COL24A1: variants seen among roughly 807,000 people sequenced by gnomAD.
The protein encoded by COL24A1 is collagen alpha-1(XXIV) chain.
COL24A1 carries 224 observed loss-of-function variants against 253.9 expected under a neutral mutation model. That is an observed-to-expected ratio of 0.88 (90% CI 0.79 to 0.99). COL24A1 has a LOEUF of 0.99. Ranked by LOEUF, COL24A1 falls within the 50% of genes least tolerant of loss-of-function variation. COL24A1 has a pLI of 0.00. For synonymous variants in COL24A1, 685 were observed against 673.7 expected, an observed-to-expected ratio of 1.02 and a Z score of -0.26; for missense variants, 2,131 against 2,068.5, an observed-to-expected ratio of 1.03 and a Z score of -0.59.
At chr1:86,111,759 A>G (rs953149338) in intron 5 of COL24A1, among the ~76,000 whole-genome samples, 1 of 152,182 alleles carries the variant, frequency 6.6e-6, no homozygotes, top group South Asian at 2.1e-4. Flanking sequence ...TTCATTCCCG[A>G]GGCCAGCGAG....
chr1:86,058,325 T>G (rs1456280365), intron 9 of COL24A1, among the ~76,000 whole-genome samples: 1 of 151,610 alleles, frequency 6.6e-6, no homozygotes, highest in Admixed American at 6.6e-5. Context: ...TAAATTTTTT[T>G]TAAAATTTAT....
intron 19 of COL24A1, among the ~76,000 whole-genome samples, chr1:85,995,088 A>T (rs865958845): frequency 7.2e-5 from 11 of 152,302 alleles, no homozygotes; most frequent in Middle Eastern, 6.8e-3. Flanking sequence ...CAAAGACAAT[A>T]AAATTCCTTA....
intron 37 of COL24A1, among the ~76,000 whole-genome samples, chr1:85,864,975 T>C (rs1046758230): frequency 1.3e-5 from 2 of 152,180 alleles, no homozygotes; most frequent in Non-Finnish European, 2.9e-5. Flanking sequence ...TGCAGAGTTA[T>C]GCATTTAGGC....
intron 55 of COL24A1, among the ~76,000 whole-genome samples, chr1:85,755,118 A>G (rs745547205): frequency 1.3e-5 from 2 of 152,202 alleles, no homozygotes; most frequent in Non-Finnish European, 1.5e-5. Flanking sequence ...ATAAAAAACC[A>G]TAAAGGTGAG....
In COL24A1 at chr1:86,034,578, T is replaced by C. The variant is rs533879190; in HGVS notation, c.1951-655A>G. Among the ~76,000 whole-genome samples, 5 of 152,208 alleles carry C rather than the reference T, an allele frequency of 3.3e-5. No homozygotes were observed. The South Asian group carries it at 1.0e-3, about 32-fold the overall frequency. On this transcript the variant is annotated intron_variant, in intron 12 of 59. Coordinates refer to ENST00000370571, the MANE Select transcript of COL24A1 (RefSeq NM_152890.7). ...TATACTGAATACTTTAAATCATCAT[T>C]CCAAGACATACATGTAAAACAAAAA...
At chr1:85,832,111 T>A (rs1455625561) in intron 43 of COL24A1, among the ~76,000 whole-genome samples, 2 of 151,998 alleles carry the variant, frequency 1.3e-5, no homozygotes. Context: ...GTATAAGGTG[T>A]AAGGAAGGGA....
At chr1:85,855,819 G>A (rs1031838477) in intron 37 of COL24A1, among the ~76,000 whole-genome samples, 2 of 152,088 alleles carry the variant, frequency 1.3e-5, no homozygotes, top group Non-Finnish European at 2.9e-5. Flanking sequence ...TGTCAATCTG[G>A]TCCTGGGCTT....
Position 86,152,983 on chromosome 1 carries a change from C to G in COL24A1, c.56+3358G>C, listed in dbSNP as rs78660480. Among the ~76,000 whole-genome samples the G allele has an allele frequency of 4.6e-3, 703 of 152,258 alleles. 11 individuals carry two copies. The East Asian group carries it at 0.049, about 11-fold the overall frequency. ...ACATGGTTTAAAGGCCTTTCCAAAT[C>G]TGGTCTCTGTTTATCTCTCCAGCTC... On this transcript the variant is annotated intron_variant, in intron 1 of 59. Coordinates refer to ENST00000370571, the MANE Select transcript of COL24A1 (RefSeq NM_152890.7).
intron 24 of COL24A1, among the ~76,000 whole-genome samples, chr1:85,927,262 C>T (rs1387210554): frequency 2.0e-5 from 3 of 152,178 alleles, no homozygotes; most frequent in African/African-American, 7.2e-5. Context: ...GGCATTGCCT[C>T]ACCTGGGAAG....
intron 2 of COL24A1, among the ~76,000 whole-genome samples, chr1:86,132,682 G>T (rs1054972965): frequency 1.3e-5 from 2 of 152,130 alleles, no homozygotes; most frequent in African/African-American, 4.8e-5. Context: ...TTGTAGATAT[G>T]TGGCATTATG....
intron 2 of COL24A1, among the ~76,000 whole-genome samples, chr1:86,131,367 T>C (rs572320191): frequency 1.3e-5 from 2 of 152,200 alleles, no homozygotes; most frequent in East Asian, 3.9e-4. Context: ...TTTGGTTTTC[T>C]TTTTTATATA....
intron 47 of COL24A1, among the ~76,000 whole-genome samples, chr1:85,814,216 A>T (rs1672846015): frequency 6.6e-6 from 1 of 152,180 alleles, no homozygotes; most frequent in Non-Finnish European, 1.5e-5. Flanking sequence ...AAATAGCCTC[A>T]TCATCTGGCC....
chr1:86,045,694 G>GT lies in COL24A1; in HGVS notation c.1950+1130dup, dbSNP rs143099730. 385 of 288,112 alleles carry GT rather than the reference G, an allele frequency of 1.3e-3. 1 individual carries two copies. The highest frequency in any genetic ancestry group is 8.0e-3 in the African/African-American group (363 of 45,416). 17.8% of individuals were successfully genotyped at this position (288,112 alleles called of 1,614,324 possible). A position where few individuals can be genotyped will look rare whatever the true frequency, so the allele number is the denominator to read the frequency against. ...AGCAACGGTGATGGCAGTTTCTACT[G>GT]TTATAACCATTATAAGATTAGCTTC... On this transcript the variant is annotated intron_variant, in intron 12 of 59. Coordinates refer to ENST00000370571, the MANE Select transcript of COL24A1 (RefSeq NM_152890.7).
intron 35 of COL24A1, 112 bp from the exon 36 acceptor site, chr1:85,868,947 T>A (rs1680100620): frequency 3.2e-6 from 2 of 630,202 alleles, no homozygotes; most frequent in East Asian, 5.9e-5. Flanking sequence ...GTTCACTTAT[T>A]TCTACTACTT....
intron 57 of COL24A1, among the ~76,000 whole-genome samples, chr1:85,744,390 C>T (rs1664981290): frequency 6.6e-6 from 1 of 151,980 alleles, no homozygotes; most frequent in Admixed American, 6.6e-5. Flanking sequence ...GTACTACTGT[C>T]TGTTAATGCA....
intron 19 of COL24A1, among the ~76,000 whole-genome samples, chr1:86,012,021 T>C (rs1419341141): frequency 3.3e-5 from 5 of 152,110 alleles, no homozygotes; most frequent in Non-Finnish European, 1.5e-5. Context: ...CCTCACTATG[T>C]TGCTCCAGGC....
At chr1:85,945,896 T>G (rs951651265) in intron 24 of COL24A1, among the ~76,000 whole-genome samples, 8 of 152,188 alleles carry the variant, frequency 5.3e-5, no homozygotes, top group Non-Finnish European at 1.5e-5. Flanking sequence ...ACATTTCATC[T>G]GCACATCTGG....
intron 23 of COL24A1, 22 bp from the exon 24 acceptor site, chr1:85,961,315 T>C (rs765402859): frequency 7.6e-6 from 12 of 1,579,188 alleles, no homozygotes; most frequent in African/African-American, 2.7e-5. Flanking sequence ...GAATATAAAG[T>C]TGCAAAAACA....
intron 11 of COL24A1, among the ~76,000 whole-genome samples, chr1:86,049,060 C>T (rs566140859): frequency 5.9e-5 from 9 of 152,262 alleles, no homozygotes; most frequent in South Asian, 4.1e-4. Flanking sequence ...CAATTCTCTG[C>T]GTGATCGGTG....
Sources: gnomAD v4.1 joint callset for allele counts (sites outside exome capture counted in the v4.1 genomes callset) on GRCh38, gnomAD v4.1.1 for gene constraint, MANE v1.5 for transcripts, NCBI Gene and HGNC (gene_info 2026-07-23, HGNC 2026-07-21) for gene names.